Variants in CDH8 observed in about 807,000 individuals in gnomAD.
CDH8 encodes the protein cadherin 8, also known as cadherin-8.
Under a neutral mutation model 68.1 loss-of-function variants are expected in CDH8, and 17 were observed. That is an observed-to-expected ratio of 0.25 (90% CI 0.17 to 0.37). The LOEUF (loss-of-function observed/expected upper bound fraction) is 0.37. Ranked by LOEUF, CDH8 falls within the 10% of genes least tolerant of loss-of-function variation. The probability of loss-of-function intolerance (pLI) is 1.00; values close to 1 mark genes in which losing one functional copy is unlikely to be tolerated. For synonymous variants in CDH8, 372 were observed against 365.1 expected (o/e 1.02, Z -0.21); for missense variants, 763 against 999.3 (o/e 0.76, Z 3.19).
chr16:61,881,848 G>A (rs1004632849), intron 3 of CDH8, among the ~76,000 whole-genome samples: 6 of 152,184 alleles, frequency 3.9e-5, no homozygotes, highest in South Asian at 2.1e-4. Context: ...AACTTTGAAC[G>A]CTTCAAGGAA....
chr16:61,879,138 G>T (rs897087305), intron 3 of CDH8, among the ~76,000 whole-genome samples: 1 of 152,072 alleles, frequency 6.6e-6, no homozygotes, highest in Non-Finnish European at 1.5e-5. Flanking sequence ...TGACTGCTAA[G>T]TTATTATTCT....
chr16:61,768,398 T>TTCTCTCTCTCTCTCTCTCTC, intron 8 of CDH8, among the ~76,000 whole-genome samples: 2 of 35,218 alleles, frequency 5.7e-5, no homozygotes, highest in East Asian at 9.9e-4. Context: ...CTCTCTCCCT[T>TTCTCTCTCTCTCTCTCTCTC]TCTCTCTCTC....
chr16:61,744,876 T>C lies in CDH8; in HGVS notation c.1415-17661A>G, dbSNP rs151123135. Among the ~76,000 whole-genome samples the C allele has an allele frequency of 5.6e-3, 844 of 151,576 alleles. 6 individuals are homozygous for C. The highest frequency in any genetic ancestry group is 0.02 in the African/African-American group (812 of 41,524). On this transcript the variant is annotated intron_variant, in intron 8 of 11. Transcript: ENST00000577390. ...CTTCCCATTTCCATCATTTTTGTTA[T>C]GTATTTTAATTCTACCTCAACTTTA...
At chr16:61,715,835 T>A (rs1383425526) in intron 9 of CDH8, among the ~76,000 whole-genome samples, 1 of 151,610 alleles carries the variant, frequency 6.6e-6, no homozygotes, top group Admixed American at 6.6e-5. Flanking sequence ...AGCCTGCAAG[T>A]AAAAATATTT....
chr16:61,950,346 G>A (rs1376087566), intron 2 of CDH8, among the ~76,000 whole-genome samples: 4 of 152,132 alleles, frequency 2.6e-5, no homozygotes, highest in Non-Finnish European at 5.9e-5. Flanking sequence ...GACAACTTCA[G>A]GGAAATATTG....
At chr16:61,840,267 G>GT (rs1962655564) in intron 4 of CDH8, among the ~76,000 whole-genome samples, 3 of 151,876 alleles carry the variant, frequency 2.0e-5, no homozygotes, top group Admixed American at 1.3e-4. Context: ...GTCCTCCTTG[G>GT]TAAAAAAAAG....
In CDH8 at chr16:61,652,816, CTT is replaced by C; in HGVS notation, c.*790_*791del. ...GCGCTAGCAATAAAACCATCTGTCT[CTT>C]ATGTAGTCCACTGTGTGATACAGTT... is the stretch of plus-strand genomic sequence containing the variant. On this transcript the variant is annotated 3_prime_UTR_variant, in exon 12 of 12. Coordinates refer to ENST00000577390, the MANE Select transcript of CDH8 (RefSeq NM_001796.5). 2 of 1,453,590 alleles carry C rather than the reference CTT, an allele frequency of 1.4e-6. No homozygotes were observed. The highest frequency in any genetic ancestry group is 1.8e-6 in the Non-Finnish European group (2 of 1,104,310). The allele number at this position is 1,453,590 out of a possible 1,614,324, so 90.0% of individuals were successfully genotyped here.
chr16:61,736,863 A>G (rs1052791901), intron 8 of CDH8, among the ~76,000 whole-genome samples: 1 of 152,144 alleles, frequency 6.6e-6, no homozygotes, highest in African/African-American at 2.4e-5. Flanking sequence ...AAATATAAAG[A>G]TATTATAATT....
chr16:62,003,013 C>T (rs1367471867), intron 2 of CDH8, among the ~76,000 whole-genome samples: 1 of 152,032 alleles, frequency 6.6e-6, no homozygotes, highest in Non-Finnish European at 1.5e-5. Flanking sequence ...TATCGCACCA[C>T]TGCACTCCAG....
intron 10 of CDH8, among the ~76,000 whole-genome samples, chr16:61,670,569 A>G (rs1304757944): frequency 6.6e-6 from 1 of 152,000 alleles, no homozygotes; most frequent in East Asian, 1.9e-4. Flanking sequence ...CCCTACAAAT[A>G]TATACACAGT....
In CDH8 at chr16:61,762,084, G is replaced by A. The variant is rs1223017466; in HGVS notation, c.1414+27262C>T. ...GCCATGAACTAAAGACGGGAGGTGA[G>A]GCTCCGGAGGTAGGCAGATATGGTG... On this transcript the variant is annotated intron_variant, in intron 8 of 11. Transcript: ENST00000577390. Among the ~76,000 whole-genome samples, 6 of 152,122 alleles carry A rather than the reference G, an allele frequency of 3.9e-5. No homozygotes were observed. In the East Asian group the frequency reaches 1.2e-3, roughly 29 times the overall value.
At chr16:61,738,952 T>C (rs971047746) in intron 8 of CDH8, among the ~76,000 whole-genome samples, 1 of 152,184 alleles carries the variant, frequency 6.6e-6, no homozygotes, top group African/African-American at 2.4e-5. Context: ...CTTAAGTACA[T>C]ATTTCTATCC....
intron 3 of CDH8, among the ~76,000 whole-genome samples, chr16:61,890,035 T>G (rs1214365925): frequency 6.6e-6 from 1 of 152,196 alleles, no homozygotes; most frequent in Non-Finnish European, 1.5e-5. Flanking sequence ...GGTTGATGTC[T>G]TATTTTCTTC....
intron 2 of CDH8, among the ~76,000 whole-genome samples, chr16:61,921,450 G>T (rs1964365381): frequency 6.6e-6 from 1 of 151,888 alleles, no homozygotes; most frequent in East Asian, 1.9e-4. Context: ...TTCTTTTAAA[G>T]ATAACCAACC....
At chr16:61,662,087 G>GTTTTTTTTTTTTTTTTTGTTTTTTTT (rs1963574043) in intron 10 of CDH8, among the ~76,000 whole-genome samples, 1 of 92,792 alleles carries the variant, frequency 1.1e-5, no homozygotes, top group Non-Finnish European at 2.2e-5. Context: ...TTTTACTTTA[G>GTTTTTTTTTTTTTTTTTGTTTTTTTT]TTTTTTTTTT....
chr16:61,751,148 C>T (rs1260780617), intron 8 of CDH8, among the ~76,000 whole-genome samples: 1 of 151,930 alleles, frequency 6.6e-6, no homozygotes, highest in Non-Finnish European at 1.5e-5. Flanking sequence ...TATCTCACTT[C>T]ACTGAAGTCA....
intron 2 of CDH8, among the ~76,000 whole-genome samples, chr16:62,020,531 T>C (rs1221722858): frequency 1.3e-5 from 2 of 151,348 alleles, no homozygotes; most frequent in African/African-American, 4.9e-5. Flanking sequence ...CACACTCCAC[T>C]AAACTAAAAT....
chr16:61,760,287 A>T (rs113104017), intron 8 of CDH8, among the ~76,000 whole-genome samples: 12 of 91,338 alleles, frequency 1.3e-4, no homozygotes, highest in African/African-American at 4.8e-4. Flanking sequence ...AGAAAATTTT[A>T]TTTATTTATT....
chr16:61,652,793 G>T lies in CDH8; in HGVS notation c.*815C>A. On this transcript the variant is annotated 3_prime_UTR_variant, in exon 12 of 12. Coordinates refer to ENST00000577390, the MANE Select transcript of CDH8 (RefSeq NM_001796.5). ...GAGGATTAAACAAATAAATTCACGC[G>T]CTAGCAATAAAACCATCTGTCTCTT... 1.5e-6 allele frequency: 2 copies of T among 1,344,302 alleles called. No individual in the cohort carries two copies. The highest frequency in any genetic ancestry group is 9.6e-7 in the Non-Finnish European group (1 of 1,044,970). 83.3% of individuals were successfully genotyped at this position (1,344,302 alleles called of 1,614,324 possible).
Sources: gnomAD v4.1 joint callset for allele counts (sites outside exome capture counted in the v4.1 genomes callset) on GRCh38, gnomAD v4.1.1 for gene constraint, MANE v1.5 for transcripts, NCBI Gene and HGNC (gene_info 2026-07-23, HGNC 2026-07-21) for gene names.